RARB: variants seen among roughly 807,000 people sequenced by gnomAD.
RARB encodes the protein HBV-activated protein.
Under a neutral mutation model 51.9 loss-of-function variants are expected in RARB, and 17 were observed. The observed-to-expected ratio is 0.33, with a 90% CI of 0.22 to 0.49. RARB has a LOEUF of 0.49. Among genes scored for constraint, RARB ranks in the 20% least tolerant of loss-of-function variants. The pLI is 0.99. For missense variants in RARB, 369 were observed against 550.8 expected (o/e 0.67, Z 3.30); for synonymous variants, 215 against 195.4 (o/e 1.10, Z -0.84).
At chr3:25,252,052 T>C (rs1702736019) in intron 5 of RARB, among the ~76,000 whole-genome samples, 1 of 152,148 alleles carries the variant, frequency 6.6e-6, no homozygotes, top group Admixed American at 6.5e-5. Flanking sequence ...GAGATAGGGG[T>C]CTAATCTTAC....
chr3:24,929,583 C>T (rs1229103001), intron 2 of RARB, among the ~76,000 whole-genome samples: 4 of 152,060 alleles, frequency 2.6e-5, no homozygotes, highest in Non-Finnish European at 5.9e-5. Flanking sequence ...ATTGGTGAGT[C>T]TCCTTACGTA....
At chr3:25,242,575 TTGC>T (rs1230875677) in intron 5 of RARB, among the ~76,000 whole-genome samples, 5 of 152,178 alleles carry the variant, frequency 3.3e-5, no homozygotes, top group African/African-American at 1.2e-4. Context: ...CCTTTTCCCA[TTGC>T]TTTTTTTTCT....
At chr3:25,218,746 G>A (rs1701885866) in intron 5 of RARB, among the ~76,000 whole-genome samples, 1 of 152,176 alleles carries the variant, frequency 6.6e-6, no homozygotes, top group Non-Finnish European at 1.5e-5. Flanking sequence ...TAATCCTGGG[G>A]AAAGCTATAG....
At chr3:25,409,334 CCTT>C (rs1707497173) in intron 5 of RARB, among the ~76,000 whole-genome samples, 1 of 152,276 alleles carries the variant, frequency 6.6e-6, no homozygotes, top group African/African-American at 2.4e-5. Flanking sequence ...GCTCTGCAAA[CCTT>C]CTCCTCCTCA....
chr3:25,057,263 A>G (rs776974658), intron 2 of RARB, among the ~76,000 whole-genome samples: 44 of 152,092 alleles, frequency 2.9e-4, no homozygotes, highest in Non-Finnish European at 5.3e-4. Context: ...TTCTTTTGCA[A>G]TAAGCATTCT....
At chr3:25,189,463 GC>G (rs755802666) in intron 5 of RARB, among the ~76,000 whole-genome samples, 30 of 152,092 alleles carry the variant, frequency 2.0e-4, no homozygotes, top group Non-Finnish European at 4.0e-4. Context: ...AGGAGCAGGG[GC>G]CCCAGCAGTG....
At chr3:25,491,688 C>T (rs536545624) in intron 2 of RARB, among the ~76,000 whole-genome samples, 1 of 152,268 alleles carries the variant, frequency 6.6e-6, no homozygotes, top group Non-Finnish European at 1.5e-5. Context: ...TGCCTGTAAT[C>T]CCAACACTGT....
chr3:25,285,642 G>A (rs2125418363), intron 5 of RARB, among the ~76,000 whole-genome samples: 1 of 152,242 alleles, frequency 6.6e-6, no homozygotes, highest in South Asian at 2.1e-4. Flanking sequence ...AGAGAGGGGA[G>A]TATTTCAGAA....
intron 5 of RARB, among the ~76,000 whole-genome samples, chr3:25,592,278 A>G (rs1301102597): frequency 5.3e-5 from 8 of 152,232 alleles, no homozygotes; most frequent in African/African-American, 1.7e-4. Flanking sequence ...TCACAGGACT[A>G]TACCCAGTCA....
chr3:25,309,216 C>T (rs541826836), intron 5 of RARB, among the ~76,000 whole-genome samples: 14 of 143,960 alleles, frequency 9.7e-5, no homozygotes, highest in South Asian at 2.2e-4. Flanking sequence ...TCTTGGCTCA[C>T]GGCAAGCTCC....
At chr3:25,208,411 G>T (rs1244674267) in intron 5 of RARB, among the ~76,000 whole-genome samples, 1 of 152,084 alleles carries the variant, frequency 6.6e-6, no homozygotes, top group South Asian at 2.1e-4. Context: ...CAGTGATTCT[G>T]TTGAATTTCT....
intron 5 of RARB, among the ~76,000 whole-genome samples, chr3:25,286,128 A>G (rs180974017): frequency 2.5e-3 from 319 of 126,076 alleles, no homozygotes; most frequent in African/African-American, 6.2e-3. Flanking sequence ...AGTCTCTGTC[A>G]CCAAGGCTGG....
At chr3:25,025,481 G>A (rs1248956488) in intron 2 of RARB, among the ~76,000 whole-genome samples, 2 of 152,072 alleles carry the variant, frequency 1.3e-5, no homozygotes, top group African/African-American at 2.4e-5. Flanking sequence ...ATCTCTCTTT[G>A]TATGTGCCCA....
intron 1 of RARB, among the ~76,000 whole-genome samples, chr3:24,855,042 A>C (rs1702613767): frequency 6.6e-6 from 1 of 152,196 alleles, no homozygotes. Context: ...ATATAAGTAA[A>C]TCACTCCAAG....
chr3:24,868,447 A>G (rs1702890049), intron 2 of RARB, among the ~76,000 whole-genome samples: 1 of 152,104 alleles, frequency 6.6e-6, no homozygotes, highest in Non-Finnish European at 1.5e-5. Flanking sequence ...TTTTTGTGAA[A>G]CGAGAACTCA....
intron 2 of RARB, among the ~76,000 whole-genome samples, chr3:24,881,480 T>A (rs1232585228): frequency 6.6e-6 from 1 of 152,216 alleles, no homozygotes; most frequent in African/African-American, 2.4e-5. Flanking sequence ...GTTTCCAGGT[T>A]GAGTGAACTC....
chr3:24,978,405 G>A (rs962714920), intron 2 of RARB, among the ~76,000 whole-genome samples: 1 of 152,040 alleles, frequency 6.6e-6, no homozygotes, highest in Non-Finnish European at 1.5e-5. Flanking sequence ...TGGTTGGTAG[G>A]CTATTAATTA....
At chr3:25,201,460 A>G (rs973389490) in intron 5 of RARB, among the ~76,000 whole-genome samples, 1 of 152,188 alleles carries the variant, frequency 6.6e-6, no homozygotes, top group African/African-American at 2.4e-5. Context: ...AGAACTTCCA[A>G]CACTGTGTTG....
intron 2 of RARB, among the ~76,000 whole-genome samples, chr3:25,059,581 T>A (rs1698507165): frequency 6.6e-6 from 1 of 151,852 alleles, no homozygotes; most frequent in Non-Finnish European, 1.5e-5. Context: ...AGATTTGTGA[T>A]GCTGCTTTAA....
Sources: allele counts gnomAD v4.1 joint callset (sites outside exome capture counted in the v4.1 genomes callset), GRCh38; gene constraint gnomAD v4.1.1; transcripts MANE v1.5; gene names NCBI Gene and HGNC (gene_info 2026-07-23, HGNC 2026-07-21).